The following CELF2 variants were observed in gnomAD, a reference collection of about 807,000 sequenced individuals.
The protein encoded by CELF2 is CUG triplet repeat RNA-binding protein 2.
Under a neutral mutation model 62.6 loss-of-function variants are expected in CELF2, and 8 were observed. The observed-to-expected ratio is 0.13, with a 90% CI of 0.07 to 0.23. The LOEUF (loss-of-function observed/expected upper bound fraction) is 0.23. Among genes scored for constraint, CELF2 ranks in the 10% least tolerant of loss-of-function variants. The probability of loss-of-function intolerance (pLI) is 1.00; values close to 1 mark genes in which losing one functional copy is unlikely to be tolerated. For missense variants in CELF2, 333 were observed against 671.0 expected, an observed-to-expected ratio of 0.50 and a Z score of 5.56; for synonymous variants, 258 against 250.0, an observed-to-expected ratio of 1.03 and a Z score of -0.30.
chr10:10,790,875 G>T, the CELF2 span, among the ~76,000 whole-genome samples: 7 of 152,076 alleles, frequency 4.6e-5, no homozygotes, highest in Admixed American at 4.6e-4. Flanking sequence ...CTTTCTGTAA[G>T]GAATTCAGTA....
At chr10:10,896,000 A>T (rs2062525907) in intron 1 of CELF2, among the ~76,000 whole-genome samples, 1 of 152,216 alleles carries the variant, frequency 6.6e-6, no homozygotes, top group African/African-American at 2.4e-5. Context: ...AGGTGGCTAG[A>T]ATTCACAGGA....
At chr10:10,596,784 C>G in the CELF2 span, among the ~76,000 whole-genome samples, 4 of 152,202 alleles carry the variant, frequency 2.6e-5, no homozygotes, top group Admixed American at 1.3e-4. Context: ...CCACCTTTTT[C>G]TCTTTTCAAG....
chr10:11,170,248 G>A (rs771116045), intron 2 of CELF2, among the ~76,000 whole-genome samples: 16 of 152,138 alleles, frequency 1.1e-4, no homozygotes, highest in East Asian at 3.8e-4. Flanking sequence ...TGAGACAGAG[G>A]GGCATTCAGG....
intron 1 of CELF2, among the ~76,000 whole-genome samples, chr10:11,116,433 A>G (rs2056581773): frequency 6.6e-6 from 1 of 152,206 alleles, no homozygotes. Context: ...CTGTGTGTTC[A>G]CTAATTTACA....
chr10:10,526,477 T>C, the CELF2 span, among the ~76,000 whole-genome samples: 2 of 152,184 alleles, frequency 1.3e-5, no homozygotes, highest in Non-Finnish European at 2.9e-5. Flanking sequence ...ATGCTTCCCT[T>C]TGTCTTCCTT....
chr10:10,533,320 T>C, the CELF2 span, among the ~76,000 whole-genome samples: 1 of 152,158 alleles, frequency 6.6e-6, no homozygotes, highest in Non-Finnish European at 1.5e-5. Flanking sequence ...GGGAGGAGCA[T>C]AGAGTCCAAT....
chr10:10,832,990 G>A (rs570709536), intron 1 of CELF2, among the ~76,000 whole-genome samples: 1 of 150,398 alleles, frequency 6.6e-6, no homozygotes, highest in East Asian at 2.0e-4. Context: ...AAGTTTTTGA[G>A]CCTCCTACAG....
rs1057178636 is a variant in CELF2 at position 11,279,514 on chromosome 10, C to T, written c.841+4394C>T. On this transcript the variant is annotated intron_variant, in intron 8 of 12. Coordinates refer to ENST00000633077, the MANE Select transcript of CELF2 (RefSeq NM_001326342.2). ...ACAAAGACTCACGCAGAACTTGGTT[C>T]CTCCCCAAGCTGAGTCTCCAGCAGT... Among the ~76,000 whole-genome samples the T allele has an allele frequency of 2.0e-5, 3 of 152,226 alleles. No homozygotes were observed. The South Asian group carries it at 6.2e-4, about 32-fold the overall frequency.
At chr10:11,137,022 AATAC>A (rs748900314) in intron 1 of CELF2, among the ~76,000 whole-genome samples, 5 of 152,250 alleles carry the variant, frequency 3.3e-5, no homozygotes, top group South Asian at 2.1e-4. Flanking sequence ...ATCTAATTTA[AATAC>A]ATACATATAT....
At chr10:10,965,511 C>T (rs2050031429) in intron 2 of CELF2, among the ~76,000 whole-genome samples, 1 of 152,154 alleles carries the variant, frequency 6.6e-6, no homozygotes, top group African/African-American at 2.4e-5. Flanking sequence ...TGGGCCTGAA[C>T]CCCAGAGTTT....
chr10:11,032,626 G>T (rs2060307952), intron 1 of CELF2, among the ~76,000 whole-genome samples: 1 of 152,242 alleles, frequency 6.6e-6, no homozygotes, highest in Admixed American at 6.5e-5. Flanking sequence ...AATCTACGTG[G>T]TATCTCACGA....
At chr10:11,035,294 G>A (rs551126750) in intron 1 of CELF2, among the ~76,000 whole-genome samples, 1 of 152,270 alleles carries the variant, frequency 6.6e-6, no homozygotes, top group East Asian at 1.9e-4. Context: ...AAGTTTATTT[G>A]TTGTTTCTAA....
In CELF2 at chr10:11,275,053, G is replaced by A. The variant is rs749193849; in HGVS notation, c.778-4G>A. 1.6e-5 allele frequency: 26 copies of A among 1,613,860 alleles called. No homozygotes were observed. In the East Asian group the frequency reaches 3.1e-4, roughly 19 times the overall value. On this transcript the variant is annotated splice_polypyrimidine_tract_variant and splice_region_variant and intron_variant, in intron 7 of 12. Transcript: ENST00000633077. ...CCACTTTGCCCTTGTGTGTTCATCC[G>A]CAGCTCCTGCAGCAGGCCACCTCCT...
intron 11 of CELF2, among the ~76,000 whole-genome samples, chr10:11,322,657 A>G (rs201549883): frequency 6.6e-6 from 1 of 151,312 alleles, no homozygotes; most frequent in Non-Finnish European, 1.5e-5. Context: ...TTTTTTTTAA[A>G]GGAAGGAAAA....
chr10:11,181,470 C>A (rs531203104), intron 2 of CELF2, among the ~76,000 whole-genome samples: 5 of 152,328 alleles, frequency 3.3e-5, no homozygotes, highest in African/African-American at 1.2e-4. Flanking sequence ...TTTCGTGCTC[C>A]CATGCCTGAG....
At chr10:10,975,444 T>C (rs1318378425) in intron 2 of CELF2, among the ~76,000 whole-genome samples, 1 of 152,204 alleles carries the variant, frequency 6.6e-6, no homozygotes, top group African/African-American at 2.4e-5. Flanking sequence ...AACACATTGT[T>C]TAAATGATTG....
At chr10:10,747,315 A>C in the CELF2 span, among the ~76,000 whole-genome samples, 1 of 152,120 alleles carries the variant, frequency 6.6e-6, no homozygotes, top group African/African-American at 2.4e-5. Flanking sequence ...ACTGTGTGTA[A>C]AACACACAAA....
intron 8 of CELF2, among the ~76,000 whole-genome samples, chr10:11,284,413 CTGTG>C (rs202119393): frequency 1.4e-4 from 5 of 34,622 alleles, no homozygotes; most frequent in South Asian, 1.1e-3. Flanking sequence ...TGATGGATGA[CTGTG>C]TGGTAGGTGG....
At chr10:10,535,458 A>G in the CELF2 span, among the ~76,000 whole-genome samples, 2 of 152,132 alleles carry the variant, frequency 1.3e-5, no homozygotes, top group African/African-American at 2.4e-5. Flanking sequence ...GGTGGCTCAC[A>G]CCTGTAATCC....
Sources: gnomAD v4.1 joint callset for allele counts (sites outside exome capture counted in the v4.1 genomes callset) on GRCh38, gnomAD v4.1.1 for gene constraint, MANE v1.5 for transcripts, NCBI Gene and HGNC (gene_info 2026-07-23, HGNC 2026-07-21) for gene names.